The following CTNNA2 variants were observed in gnomAD, a reference collection of about 807,000 sequenced individuals.
CTNNA2 encodes catenin alpha-2.
In CTNNA2, 42 loss-of-function variants were observed where a neutral mutation model predicts 101.0. That is an observed-to-expected ratio of 0.42 (90% CI 0.32 to 0.54). CTNNA2 has a LOEUF of 0.54. Among genes scored for constraint, CTNNA2 ranks in the 20% least tolerant of loss-of-function variants. The pLI is 0.14. For synonymous variants in CTNNA2, 450 were observed against 456.4 expected, an observed-to-expected ratio of 0.99 and a Z score of 0.18; for missense variants, 871 against 1,223.1, an observed-to-expected ratio of 0.71 and a Z score of 4.29.
chr2:79,887,494 T>G (rs1683969304), intron 6 of CTNNA2, among the ~76,000 whole-genome samples: 1 of 152,172 alleles, frequency 6.6e-6, no homozygotes, highest in South Asian at 2.1e-4. Context: ...TTTTTTTGGC[T>G]CTTAGTTCAT....
At chr2:80,501,197 T>C (rs1687855313) in intron 9 of CTNNA2, among the ~76,000 whole-genome samples, 1 of 152,234 alleles carries the variant, frequency 6.6e-6, no homozygotes, top group Non-Finnish European at 1.5e-5. Flanking sequence ...ATATCCCTTA[T>C]ACACTTGATT....
At chr2:80,003,262 C>G (rs1693089118) in intron 7 of CTNNA2, among the ~76,000 whole-genome samples, 1 of 152,148 alleles carries the variant, frequency 6.6e-6, no homozygotes, top group African/African-American at 2.4e-5. Flanking sequence ...GTATGCATTT[C>G]ATTTTGCCCC....
intron 11 of CTNNA2, among the ~76,000 whole-genome samples, chr2:80,551,485 G>A (rs1451078654): frequency 6.6e-6 from 1 of 152,230 alleles, no homozygotes; most frequent in African/African-American, 2.4e-5. Flanking sequence ...CTTAATCAAT[G>A]ATCTTAGCTA....
At chr2:80,476,012 G>A (rs777709929) in intron 9 of CTNNA2, among the ~76,000 whole-genome samples, 1 of 152,116 alleles carries the variant, frequency 6.6e-6, no homozygotes, top group Non-Finnish European at 1.5e-5. Flanking sequence ...CCTTCTCAAG[G>A]TTCACCCAGT....
At chr2:79,978,840 G>A (rs369618283) in intron 7 of CTNNA2, among the ~76,000 whole-genome samples, 11 of 152,254 alleles carry the variant, frequency 7.2e-5, no homozygotes, top group African/African-American at 2.4e-4. Flanking sequence ...CAGTGAAACA[G>A]GAACAATTTT....
At chr2:80,389,986 G>T (rs1003528525) in intron 7 of CTNNA2, among the ~76,000 whole-genome samples, 1 of 152,174 alleles carries the variant, frequency 6.6e-6, no homozygotes, top group Non-Finnish European at 1.5e-5. Flanking sequence ...AATAAAGTTA[G>T]TAGTAATCAC....
chr2:79,596,584 T>G (rs1047392266), intron 1 of CTNNA2, among the ~76,000 whole-genome samples: 1 of 152,174 alleles, frequency 6.6e-6, no homozygotes, highest in Admixed American at 6.5e-5. Context: ...AAGAAAAGCC[T>G]GAGCAGCGCA....
intron 9 of CTNNA2, among the ~76,000 whole-genome samples, chr2:80,473,369 A>C (rs1450205722): frequency 6.6e-6 from 1 of 152,244 alleles, no homozygotes; most frequent in African/African-American, 2.4e-5. Context: ...TAAGAAAACA[A>C]AACTATCATG....
chr2:79,508,847 G>T (rs115565487), upstream of CTNNA2, among the ~76,000 whole-genome samples: 4,638 of 150,766 alleles, frequency 0.031, 104 homozygotes, highest in Middle Eastern at 0.055. Flanking sequence ...CCTATATAAG[G>T]TTATGGTTGA....
rs115258530 is a variant in CTNNA2, at chr2:79,881,017, C to T, written c.852+6675C>T. Among the ~76,000 whole-genome samples the T allele has an allele frequency of 5.7e-3, 858 of 151,150 alleles. 10 individuals are homozygous for T. Among genetic ancestry groups the T allele is most frequent in the African/African-American group, 0.019 (798 of 41,416 alleles). ...TGTCCCAGAGATTTTGGTATGTTAT[C>T]TCTGCTCTTTGGTTTCAAAGAACAT... On this transcript the variant is annotated intron_variant, in intron 6 of 18. Transcript: ENST00000402739.
chr2:79,917,147 C>T lies in CTNNA2; in HGVS notation c.1056+7350C>T, dbSNP rs146762229. 6.3e-4 allele frequency among the ~76,000 whole-genome samples: 96 copies of T among 151,944 alleles called. No homozygotes were observed. The East Asian group carries it at 0.018, about 29-fold the overall frequency. ...AGTGGAGTGGTGCGATCTCGGCTCACTGCAACTTCAGCCTCCCAGGTTCAA... is the reference window on the plus strand; with the variant it reads ...AGTGGAGTGGTGCGATCTCGGCTCATTGCAACTTCAGCCTCCCAGGTTCAA... On this transcript the variant is annotated intron_variant, in intron 7 of 18. Transcript: ENST00000402739.
At chr2:80,585,001 CTTA>C (rs546311482) in intron 14 of CTNNA2, among the ~76,000 whole-genome samples, 226 of 152,164 alleles carry the variant, frequency 1.5e-3, no homozygotes, top group African/African-American at 4.9e-3. Flanking sequence ...TCCTTAACTA[CTTA>C]TTATACTGCT....
intron 7 of CTNNA2, among the ~76,000 whole-genome samples, chr2:80,383,994 A>G (rs1239276019): frequency 6.6e-6 from 1 of 152,190 alleles, no homozygotes; most frequent in Non-Finnish European, 1.5e-5. Context: ...CACAAAAAAG[A>G]ACAAGATCAT....
rs191832253 is a variant in CTNNA2, at chr2:80,079,745, C to T, written c.1056+169948C>T. Among the ~76,000 whole-genome samples, 1,496 of 151,594 alleles carry T rather than the reference C, an allele frequency of 9.9e-3. 31 individuals carry two copies. The highest frequency in any genetic ancestry group is 0.035 in the African/African-American group (1,426 of 41,274). On this transcript the variant is annotated intron_variant, in intron 7 of 18. Coordinates refer to ENST00000402739, the MANE Select transcript of CTNNA2 (RefSeq NM_001282597.3). ...AGGAGAATGGCGTGAACCCGGGAGG[C>T]GGAGCTTGCAGTGAGCCGGGATTGC...
intron 1 of CTNNA2, among the ~76,000 whole-genome samples, chr2:79,525,350 T>C (rs1305499749): frequency 6.6e-6 from 1 of 152,010 alleles, no homozygotes; most frequent in Non-Finnish European, 1.5e-5. Context: ...TTATTTTGAA[T>C]GAAAATCTTT....
chr2:79,223,586 A>G (rs1558578811), intron 2 of CTNNA2, among the ~76,000 whole-genome samples: 1 of 152,150 alleles, frequency 6.6e-6, no homozygotes, highest in Admixed American at 6.6e-5. Flanking sequence ...CCCATCAGTA[A>G]GACAGCACTC....
At position 80,552,079 on chromosome 2, in the gene CTNNA2, C is replaced by T. The variant is rs184949068; in HGVS notation, c.1541-3614C>T. ...CAAACGGCCGTCTTGGTGGAGCAGG[C>T]GGAACACGCCCGACATTTATTGTTT... On this transcript the variant is annotated intron_variant, in intron 11 of 18. Coordinates refer to ENST00000402739, the MANE Select transcript of CTNNA2 (RefSeq NM_001282597.3). Among the ~76,000 whole-genome samples the T allele has an allele frequency of 1.2e-4, 19 of 152,070 alleles. No individual in the cohort carries two copies. In the South Asian group the frequency reaches 2.3e-3, roughly 18 times the overall value.
At chr2:80,624,652 A>T (rs938581073) in intron 18 of CTNNA2, among the ~76,000 whole-genome samples, 21 of 151,196 alleles carry the variant, frequency 1.4e-4, no homozygotes, top group Admixed American at 6.6e-4. Context: ...TTCTGTATTT[A>T]TTTTTTTTAT....
intron 7 of CTNNA2, among the ~76,000 whole-genome samples, chr2:79,980,178 T>G (rs528021303): frequency 3.9e-5 from 6 of 152,306 alleles, no homozygotes; most frequent in South Asian, 2.1e-4. Flanking sequence ...TTAAGTAAAC[T>G]ATGCAGGAGA....
Sources: gnomAD v4.1 joint callset for allele counts (sites outside exome capture counted in the v4.1 genomes callset) on GRCh38, gnomAD v4.1.1 for gene constraint, MANE v1.5 for transcripts, NCBI Gene and HGNC (gene_info 2026-07-23, HGNC 2026-07-21) for gene names.